RILPL1: variants seen among roughly 807,000 people sequenced by gnomAD.
RILPL1 encodes RILP-like protein 1.
A neutral mutation model predicts 50.3 loss-of-function variants in RILPL1; 33 were observed. The ratio of observed to expected loss-of-function variants is 0.66; its 90% CI spans 0.50 to 0.88. The LOEUF (loss-of-function observed/expected upper bound fraction) is 0.88. RILPL1 is among the 40% of genes least tolerant of loss of function. The probability of loss-of-function intolerance (pLI) is 0.00; values close to 1 mark genes in which losing one functional copy is unlikely to be tolerated. For missense variants in RILPL1, 418 were observed against 542.5 expected, an observed-to-expected ratio of 0.77 and a Z score of 2.28; for synonymous variants, 205 against 228.6, an observed-to-expected ratio of 0.90 and a Z score of 0.93.
At chr12:123,531,981 T>A (rs975549821) in intron 1 of RILPL1, among the ~76,000 whole-genome samples, 1 of 152,242 alleles carries the variant, frequency 6.6e-6, no homozygotes, top group Non-Finnish European at 1.5e-5. Context: ...TAGGGACCCA[T>A]GAGGACGAGC....
Position 123,494,528 on chromosome 12 carries a change from T to C in RILPL1, c.801+4016A>G, listed in dbSNP as rs1186398162. Among the ~76,000 whole-genome samples the C allele has an allele frequency of 3.9e-5, 6 of 152,190 alleles. No homozygotes were observed. In the East Asian group the frequency reaches 1.2e-3, roughly 29 times the overall value. The stretch of plus-strand genomic sequence containing the variant: ...CTGCTCAAGAGTCCTGGAACAGCGC[T>C]GGGAGTCTCGATGTTCTTGAGACCC... On this transcript the variant is annotated intron_variant, in intron 4 of 6. Coordinates refer to ENST00000376874, the MANE Select transcript of RILPL1 (RefSeq NM_178314.5).
At chr12:123,503,186 CTTTTTTTTTTTTTTTTTTTTTTT>C (rs373514624) in intron 2 of RILPL1, among the ~76,000 whole-genome samples, 1 of 80,742 alleles carries the variant, frequency 1.2e-5, no homozygotes, top group African/African-American at 5.6e-5. Context: ...CACGCCTGGC[CTTTTTTTTTTTTTTTTTTTTTTT>C]TTTTTTTTTG....
intron 1 of RILPL1, among the ~76,000 whole-genome samples, chr12:123,524,591 C>T (rs756513142): frequency 2.6e-5 from 4 of 152,122 alleles, no homozygotes; most frequent in Admixed American, 2.0e-4. Context: ...GAACATTATT[C>T]GGCCATGAAA....
intron 4 of RILPL1, among the ~76,000 whole-genome samples, chr12:123,495,685 T>G (rs896614280): frequency 1.4e-5 from 2 of 145,438 alleles, no homozygotes; most frequent in South Asian, 2.2e-4. Context: ...CAGTTTTTTT[T>G]TTTTTTTTTT....
chr12:123,507,180 TG>T (rs889815487), intron 2 of RILPL1, among the ~76,000 whole-genome samples: 1 of 152,098 alleles, frequency 6.6e-6, no homozygotes. Flanking sequence ...AACTGTATCG[TG>T]GGGGGCCCTC....
At chr12:123,508,153 G>T (rs1365581869) in intron 2 of RILPL1, among the ~76,000 whole-genome samples, 2 of 152,058 alleles carry the variant, frequency 1.3e-5, no homozygotes, top group African/African-American at 4.8e-5. Flanking sequence ...CAGCACTTTG[G>T]GGGGCCAAGG....
chr12:123,527,590 G>T (rs1885305499), intron 1 of RILPL1, among the ~76,000 whole-genome samples: 1 of 151,958 alleles, frequency 6.6e-6, no homozygotes, highest in African/African-American at 2.4e-5. Flanking sequence ...TGAGCTGAGG[G>T]AAGCAGAGGT....
chr12:123,481,334 C>T (rs137889947), intron 6 of RILPL1, among the ~76,000 whole-genome samples: 2,238 of 147,546 alleles, frequency 0.015, 38 homozygotes, highest in Non-Finnish European at 0.024. Context: ...ACTCCAGCCT[C>T]GGCAATGGAG....
chr12:123,491,890 C>T lies in RILPL1; in HGVS notation c.802-6085G>A, dbSNP rs1882712182. On this transcript the variant is annotated intron_variant, in intron 4 of 6. Transcript: ENST00000376874. The surrounding 1 kb of genome is among the most constrained non-coding windows in gnomAD (Gnocchi z 4.0). ...GGTGTGGTGGCGCACACCTGTAATC[C>T]CAGCTACTCGGGAGGCTGAGGCACA... 1.3e-5 allele frequency among the ~76,000 whole-genome samples: 2 copies of T among 151,792 alleles called. No homozygotes were observed. Among genetic ancestry groups the T allele is most frequent in the Non-Finnish European group, 2.9e-5 (2 of 67,990 alleles).
rs371346379 is a variant in RILPL1 at position 123,477,337 on chromosome 12, C to CTT, written c.1068-4657_1068-4656dup. 8.3e-4 allele frequency among the ~76,000 whole-genome samples: 87 copies of CTT among 105,242 alleles called. 1 individual carries two copies. The highest frequency in any genetic ancestry group is 1.7e-3 in the African/African-American group (51 of 30,884). 69.0% of individuals were successfully genotyped at this position (105,242 alleles called of 152,430 possible). A position where few individuals can be genotyped will look rare whatever the true frequency, so the allele number is the denominator to read the frequency against. ...GTTGGTATCTTTTCTTTCTTTCTTT[C>CTT]TTTTTTTTTTTTTTTTTTTTTGAGA... is the stretch of plus-strand genomic sequence containing the variant. On this transcript the variant is annotated intron_variant, in intron 6 of 6. Transcript: ENST00000376874.
chr12:123,516,621 G>C (rs963670142), intron 2 of RILPL1, among the ~76,000 whole-genome samples: 1 of 152,180 alleles, frequency 6.6e-6, no homozygotes, highest in African/African-American at 2.4e-5. Context: ...GGTGGCTCTA[G>C]ATCGCTGTAA....
At chr12:123,501,462 A>G (rs1883376828) in intron 2 of RILPL1, among the ~76,000 whole-genome samples, 1 of 151,118 alleles carries the variant, frequency 6.6e-6, no homozygotes, top group Non-Finnish European at 1.5e-5. Flanking sequence ...AAACAAACAA[A>G]CAAACAAAAA....
At position 123,472,955 on chromosome 12, in the gene RILPL1, C is replaced by G. The variant is rs1881306773; in HGVS notation, c.1068-273G>C. On this transcript the variant is annotated intron_variant, in intron 6 of 6. Transcript: ENST00000376874. ...TGTGAGGTGTCTTCCACGTTAGCCG[C>G]TATGGAGGATTTATCCCGTTACCAG... The G allele has an allele frequency of 2.2e-5, 8 of 365,010 alleles. No individual in the cohort carries two copies. In the South Asian group the frequency reaches 3.0e-4, roughly 14 times the overall value. 22.6% of individuals were successfully genotyped at this position (365,010 alleles called of 1,614,324 possible).
chr12:123,488,718 C>T (rs1179912904), intron 4 of RILPL1, among the ~76,000 whole-genome samples: 1 of 152,178 alleles, frequency 6.6e-6, no homozygotes, highest in African/African-American at 2.4e-5. Flanking sequence ...CCCTGCCCAG[C>T]CTTGGGGTCG....
chr12:123,524,289 G>C (rs1345338346), intron 1 of RILPL1, among the ~76,000 whole-genome samples: 1 of 152,210 alleles, frequency 6.6e-6, no homozygotes, highest in African/African-American at 2.4e-5. Context: ...CCAATAACAA[G>C]TGCTGACAAG....
chr12:123,478,651 C>T (rs1251959333), intron 6 of RILPL1, among the ~76,000 whole-genome samples: 1 of 152,112 alleles, frequency 6.6e-6, no homozygotes, highest in East Asian at 1.9e-4. Context: ...GGTGGCCACC[C>T]ACTCCAAAGC....
At chr12:123,472,789 ATCAAT>A (rs1463637434) in intron 6 of RILPL1, 107 bp from the exon 7 acceptor site, 8 of 1,238,588 alleles carry the variant, frequency 6.5e-6, no homozygotes, top group East Asian at 5.1e-5. Context: ...AAGGGAGCAA[ATCAAT>A]TCAAGGTGTG....
chr12:123,512,618 GTGTC>G (rs1297627223), intron 2 of RILPL1, among the ~76,000 whole-genome samples: 6 of 144,834 alleles, frequency 4.1e-5, no homozygotes, highest in Admixed American at 4.1e-4. Flanking sequence ...TGTGAGGTCT[GTGTC>G]TGTGTGTCGT....
intron 1 of RILPL1, among the ~76,000 whole-genome samples, chr12:123,529,362 G>A (rs1885370694): frequency 6.6e-6 from 1 of 152,054 alleles, no homozygotes; most frequent in Admixed American, 6.5e-5. Flanking sequence ...TATGATCTCG[G>A]CTCAACGCAA....
Sources: gnomAD v4.1 joint callset for allele counts (sites outside exome capture counted in the v4.1 genomes callset) on GRCh38, gnomAD v4.1.1 for gene constraint, Gnocchi (gnomAD v3.1) non-coding constraint, MANE v1.5 for transcripts, NCBI Gene and HGNC (gene_info 2026-07-23, HGNC 2026-07-21) for gene names.